The following GSK3B variants were observed in gnomAD, a reference collection of about 807,000 sequenced individuals.
The protein encoded by GSK3B is glycogen synthase kinase-3 beta.
In GSK3B, 15 loss-of-function variants were observed where a neutral mutation model predicts 56.4. The observed-to-expected ratio is 0.27, with a 90% CI of 0.18 to 0.41. The LOEUF (loss-of-function observed/expected upper bound fraction) is 0.41, where lower values mean the gene tolerates loss of function less well. Among genes scored for constraint, GSK3B ranks in the 10% least tolerant of loss-of-function variants. The pLI, the probability that GSK3B is intolerant of heterozygous loss-of-function variation, is 1.00. For synonymous variants in GSK3B, 181 were observed against 188.9 expected (o/e 0.96, Z 0.34); for missense variants, 300 against 513.4 (o/e 0.58, Z 4.02).
intron 1 of GSK3B, among the ~76,000 whole-genome samples, chr3:120,054,619 T>C (rs149235361): frequency 6.6e-6 from 1 of 152,288 alleles, no homozygotes; most frequent in East Asian, 1.9e-4. Context: ...TGTCCCTCAA[T>C]TATCAGAGGG....
chr3:119,824,633 CAA>C lies in GSK3B; in HGVS notation c.*2153_*2154del, dbSNP rs1224669046. 1 of 200,372 alleles carries C rather than the reference CAA, an allele frequency of 5.0e-6. No individual in the cohort carries two copies. The highest frequency in any genetic ancestry group is 1.0e-5 in the Non-Finnish European group (1 of 97,092). The allele number at this position is 200,372 out of a possible 1,614,324, so 12.4% of individuals were successfully genotyped here. On this transcript the variant is annotated 3_prime_UTR_variant, in exon 11 of 11. Coordinates refer to ENST00000264235, the MANE Select transcript of GSK3B (RefSeq NM_001146156.2). Reference sequence around the variant, plus strand: ...CACTACCTTTAAGGAGTTATGCTGCCAAATACTTTGATTTCAGACTTCTTTCA... The same window carrying C: ...CACTACCTTTAAGGAGTTATGCTGCCATACTTTGATTTCAGACTTCTTTCA...
At chr3:120,075,998 A>G (rs1408242838) in intron 1 of GSK3B, among the ~76,000 whole-genome samples, 1 of 151,830 alleles carries the variant, frequency 6.6e-6, no homozygotes, top group African/African-American at 2.4e-5. Flanking sequence ...TATAATCAAA[A>G]TAGTTTAGTA....
At chr3:119,841,394 G>A (rs2055770482) in intron 10 of GSK3B, among the ~76,000 whole-genome samples, 1 of 152,150 alleles carries the variant, frequency 6.6e-6, no homozygotes. Context: ...TATACACAGT[G>A]TAAAGCCATT....
intron 1 of GSK3B, among the ~76,000 whole-genome samples, chr3:120,038,482 C>G (rs141900565): frequency 6.6e-6 from 1 of 152,106 alleles, no homozygotes; most frequent in African/African-American, 2.4e-5. Flanking sequence ...CAGCTGTGAT[C>G]AAGCCACTGC....
chr3:119,958,994 C>A (rs1428600667), intron 2 of GSK3B, among the ~76,000 whole-genome samples: 1 of 152,200 alleles, frequency 6.6e-6, no homozygotes, highest in Non-Finnish European at 1.5e-5. Flanking sequence ...GGTTACTGTG[C>A]AGAATATGCC....
intron 6 of GSK3B, among the ~76,000 whole-genome samples, chr3:119,911,241 G>C (rs2056731999): frequency 6.6e-6 from 1 of 152,166 alleles, no homozygotes; most frequent in Non-Finnish European, 1.5e-5. Flanking sequence ...TCCATAAGCA[G>C]TAATATTTTG....
rs2055494755 is a variant in GSK3B, at chr3:119,825,803, C to A, written c.*985G>T. On this transcript the variant is annotated 3_prime_UTR_variant, in exon 11 of 11. Transcript: ENST00000264235. ...AGTTCACATTATTTAACTACAATGT[C>A]CTCTCAAGTGTATCTTTCCAAGGGA... 1 of 220,304 alleles carries A rather than the reference C, an allele frequency of 4.5e-6. No homozygotes were observed. Among genetic ancestry groups the A allele is most frequent in the Non-Finnish European group, 9.1e-6 (1 of 110,082 alleles). The allele number at this position is 220,304 out of a possible 1,614,324, so 13.6% of individuals were successfully genotyped here. A position where few individuals can be genotyped will look rare whatever the true frequency, so the allele number is the denominator to read the frequency against.
At chr3:119,876,387 T>C (rs201102477) in intron 8 of GSK3B, 26 bp downstream of exon 8, 15 of 1,221,096 alleles carry the variant, frequency 1.2e-5, no homozygotes, top group Non-Finnish European at 1.8e-5. Context: ...TACTGATTAA[T>C]ATACTTAAAA....
In GSK3B at chr3:119,824,686, T is replaced by C. The variant is rs188475324; in HGVS notation, c.*2102A>G. The C allele has an allele frequency of 2.6e-5, 5 of 194,388 alleles. No homozygotes were observed. The highest frequency in any genetic ancestry group is 1.2e-4 in the African/African-American group (5 of 43,304). The allele number at this position is 194,388 out of a possible 1,614,324, so 12.0% of individuals were successfully genotyped here. On this transcript the variant is annotated 3_prime_UTR_variant, in exon 11 of 11. Transcript: ENST00000264235. ...AATCTTAGCTTTCAGAAGCACTTTATAAAACATAAAATTCAATTTGTTTGA... is the reference window on the plus strand; with the variant it reads ...AATCTTAGCTTTCAGAAGCACTTTACAAAACATAAAATTCAATTTGTTTGA...
chr3:120,025,623 T>C (rs1446733632), intron 1 of GSK3B, among the ~76,000 whole-genome samples: 1 of 152,142 alleles, frequency 6.6e-6, no homozygotes, highest in African/African-American at 2.4e-5. Flanking sequence ...GCACTATATC[T>C]GCAGGACAAA....
At chr3:120,044,876 A>G (rs962251591) in intron 1 of GSK3B, among the ~76,000 whole-genome samples, 2 of 152,240 alleles carry the variant, frequency 1.3e-5, no homozygotes, top group Admixed American at 6.5e-5. Flanking sequence ...ACTGCCCCCA[A>G]TGAGAGCATA....
chr3:119,994,949 G>A (rs993279111), intron 2 of GSK3B, among the ~76,000 whole-genome samples: 30 of 151,920 alleles, frequency 2.0e-4, no homozygotes, highest in African/African-American at 6.0e-4. Flanking sequence ...TTACATAAGC[G>A]AATGTCTTTT....
rs560569124 is a variant in GSK3B at position 119,830,420 on chromosome 3, C to G, written c.1196-3565G>C. Among the ~76,000 whole-genome samples, 4 of 152,272 alleles carry G rather than the reference C, an allele frequency of 2.6e-5. No homozygotes were observed. The East Asian group carries it at 7.7e-4, about 29-fold the overall frequency. ...TTAAAATGTTTATTAATTTAAAATTCCGATAAATTGTCATTGGATTTAGTT... is the reference window on the plus strand; with the variant it reads ...TTAAAATGTTTATTAATTTAAAATTGCGATAAATTGTCATTGGATTTAGTT... On this transcript the variant is annotated intron_variant, in intron 10 of 10. Coordinates refer to ENST00000264235, the MANE Select transcript of GSK3B (RefSeq NM_001146156.2).
At chr3:119,831,990 A>G (rs1021491059) in intron 10 of GSK3B, among the ~76,000 whole-genome samples, 3 of 152,236 alleles carry the variant, frequency 2.0e-5, no homozygotes, top group Admixed American at 6.5e-5. Flanking sequence ...GATGACCCCA[A>G]TGATTCATGC....
chr3:119,981,761 A>G (rs1022446557), intron 2 of GSK3B, among the ~76,000 whole-genome samples: 2 of 152,260 alleles, frequency 1.3e-5, no homozygotes, highest in Non-Finnish European at 2.9e-5. Flanking sequence ...CTCTGTGGGC[A>G]AGGCATAGCT....
At chr3:120,012,218 A>G (rs1267807837) in intron 1 of GSK3B, among the ~76,000 whole-genome samples, 1 of 152,234 alleles carries the variant, frequency 6.6e-6, no homozygotes, top group Non-Finnish European at 1.5e-5. Context: ...TGACATCCAA[A>G]CAACTTAATA....
rs935725411 is a variant in GSK3B, at chr3:119,968,419, A to G, written c.283-21068T>C. ...AAAATTTGCAACAAAACATTAGCAA[A>G]CTGATCCAACAATGTATAAAAATAC... On this transcript the variant is annotated intron_variant, in intron 2 of 10. Transcript: ENST00000264235. 3.2e-4 allele frequency among the ~76,000 whole-genome samples: 49 copies of G among 152,234 alleles called. 2 individuals carry two copies. The highest frequency in any genetic ancestry group is 2.9e-5 in the Non-Finnish European group (2 of 68,030).
chr3:120,081,999 GA>G (rs1367324764), intron 1 of GSK3B, among the ~76,000 whole-genome samples: 4 of 152,066 alleles, frequency 2.6e-5, no homozygotes, highest in Admixed American at 2.6e-4. Context: ...TATTTGCATC[GA>G]AAAAATTCCA....
At chr3:120,077,654 C>T (rs943153676) in intron 1 of GSK3B, among the ~76,000 whole-genome samples, 23 of 144,626 alleles carry the variant, frequency 1.6e-4, no homozygotes, top group South Asian at 2.2e-4. Context: ...TTGGTAGGGG[C>T]GAGGGAGAGG....
Sources: gnomAD v4.1 joint callset for allele counts (sites outside exome capture counted in the v4.1 genomes callset) on GRCh38, gnomAD v4.1.1 for gene constraint, MANE v1.5 for transcripts, NCBI Gene and HGNC (gene_info 2026-07-23, HGNC 2026-07-21) for gene names.